Variants in CCSER1 observed in about 807,000 individuals in gnomAD.
CCSER1 encodes coiled-coil serine rich protein 1.
A neutral mutation model predicts 82.0 loss-of-function variants in CCSER1; 41 were observed. The ratio of observed to expected loss-of-function variants is 0.50; its 90% CI spans 0.39 to 0.65. CCSER1 has a LOEUF of 0.65. Among genes scored for constraint, CCSER1 ranks in the 30% least tolerant of loss-of-function variants. The pLI, the probability that CCSER1 is intolerant of heterozygous loss-of-function variation, is 0.00. For synonymous variants in CCSER1, 414 were observed against 383.9 expected (o/e 1.08, Z -0.92); for missense variants, 1,119 against 1,064.2 (o/e 1.05, Z -0.72).
intron 1 of CCSER1, among the ~76,000 whole-genome samples, chr4:90,192,345 C>A (rs1735809347): frequency 6.6e-6 from 1 of 151,960 alleles, no homozygotes; most frequent in Non-Finnish European, 1.5e-5. Flanking sequence ...CGTGGGAATT[C>A]AAGATGAGAT....
At chr4:90,940,475 C>G (rs1226843036) in intron 9 of CCSER1, among the ~76,000 whole-genome samples, 1 of 151,710 alleles carries the variant, frequency 6.6e-6, no homozygotes, top group African/African-American at 2.4e-5. Context: ...GTCCATTAGA[C>G]TCTTAAAGTG....
intron 5 of CCSER1, among the ~76,000 whole-genome samples, chr4:90,622,654 T>C (rs935009717): frequency 6.6e-6 from 1 of 152,170 alleles, no homozygotes; most frequent in Non-Finnish European, 1.5e-5. Context: ...ATTTTCTTAA[T>C]CCAGTCTATC....
At chr4:90,344,704 G>T (rs1300221664) in intron 3 of CCSER1, among the ~76,000 whole-genome samples, 1 of 152,054 alleles carries the variant, frequency 6.6e-6, no homozygotes, top group Non-Finnish European at 1.5e-5. Flanking sequence ...CTATTATTAA[G>T]TTGGGGAGCA....
chr4:90,694,770 C>T (rs751797441), intron 6 of CCSER1, among the ~76,000 whole-genome samples: 16 of 149,828 alleles, frequency 1.1e-4, no homozygotes, highest in Non-Finnish European at 2.1e-4. Flanking sequence ...ATATTTGGCA[C>T]TTTCTCAATG....
chr4:90,333,549 G>T (rs928808327), intron 3 of CCSER1, among the ~76,000 whole-genome samples: 1 of 152,202 alleles, frequency 6.6e-6, no homozygotes, highest in African/African-American at 2.4e-5. Context: ...GAAGAGACAT[G>T]CCTGGTCTTA....
rs56723869 is a variant in CCSER1, at chr4:91,565,026, TTGTGTGTGTGTGTGTGTG to T, written c.2218-33509_2218-33492del. ...ATTTAAGTCTTTAATGCACCTTGAG[TTGTGTGTGTGTGTGTGTG>T]TGTGTGTGTGTGTGTGTGTGTGTGT... On this transcript the variant is annotated intron_variant, in intron 10 of 10. Coordinates refer to ENST00000509176, the MANE Select transcript of CCSER1 (RefSeq NM_001145065.2). Among the ~76,000 whole-genome samples, 631 of 131,122 alleles carry T rather than the reference TTGTGTGTGTGTGTGTGTG, an allele frequency of 4.8e-3. 7 individuals carry two copies. Among genetic ancestry groups the T allele is most frequent in the African/African-American group, 0.014 (485 of 35,550 alleles). The allele number at this position is 131,122 out of a possible 152,430, so 86.0% of individuals were successfully genotyped here.
chr4:90,866,730 C>A (rs1765773775), intron 8 of CCSER1, among the ~76,000 whole-genome samples: 1 of 152,022 alleles, frequency 6.6e-6, no homozygotes, highest in African/African-American at 2.4e-5. Flanking sequence ...AGTTCCCAAA[C>A]TTTTTGGCAC....
intron 10 of CCSER1, among the ~76,000 whole-genome samples, chr4:91,493,280 T>G (rs7659508): frequency 0.05 from 7,592 of 151,940 alleles, 686 homozygotes; most frequent in African/African-American, 0.17. Flanking sequence ...CTTCTGAGAC[T>G]ATAACTCATC....
chr4:91,433,316 C>G (rs1031281202), intron 10 of CCSER1, among the ~76,000 whole-genome samples: 3 of 152,106 alleles, frequency 2.0e-5, no homozygotes, highest in South Asian at 2.1e-4. Flanking sequence ...CTGTGGCCAT[C>G]ATAACGTCAT....
rs2904356 is a variant in CCSER1, at chr4:90,450,169, G to A, written c.1604-18065G>A. Among the ~76,000 whole-genome samples the A allele has an allele frequency of 5.8e-3, 879 of 152,250 alleles. 11 individuals carry two copies. The highest frequency in any genetic ancestry group is 0.02 in the African/African-American group (842 of 41,548). ...CTATGTAAGGGTCCCTGGTAGAAAC[G>A]GAGCCATTATCCAAGGCTCCAGTTG... is the stretch of plus-strand genomic sequence containing the variant. On this transcript the variant is annotated intron_variant, in intron 4 of 10. Coordinates refer to ENST00000509176, the MANE Select transcript of CCSER1 (RefSeq NM_001145065.2).
intron 10 of CCSER1, among the ~76,000 whole-genome samples, chr4:91,525,620 T>C (rs894044633): frequency 1.3e-5 from 2 of 152,140 alleles, no homozygotes; most frequent in African/African-American, 4.8e-5. Flanking sequence ...TCACTTATTA[T>C]CAGCCTCCTG....
intron 5 of CCSER1, among the ~76,000 whole-genome samples, chr4:90,561,345 A>G (rs1204546104): frequency 6.6e-6 from 1 of 152,206 alleles, no homozygotes; most frequent in Admixed American, 6.5e-5. Context: ...TGGTTTATGG[A>G]TCCAGGGTGC....
At chr4:91,515,800 C>G (rs1760075381) in intron 10 of CCSER1, among the ~76,000 whole-genome samples, 1 of 151,216 alleles carries the variant, frequency 6.6e-6, no homozygotes, top group Non-Finnish European at 1.5e-5. Context: ...GCTGGTTGAA[C>G]TAATTTACTC....
chr4:90,344,551 G>A (rs1181996461), intron 3 of CCSER1, among the ~76,000 whole-genome samples: 2 of 152,120 alleles, frequency 1.3e-5, no homozygotes, highest in Non-Finnish European at 2.9e-5. Context: ...TGTGAAATCG[G>A]AAATGCATTT....
At chr4:91,095,552 C>A (rs1724422900) in intron 10 of CCSER1, among the ~76,000 whole-genome samples, 1 of 152,264 alleles carries the variant, frequency 6.6e-6, no homozygotes, top group South Asian at 2.1e-4. Flanking sequence ...CAAAAACAGC[C>A]TGTTTTTGCG....
At chr4:90,591,137 T>G (rs1370916281) in intron 5 of CCSER1, among the ~76,000 whole-genome samples, 1 of 152,176 alleles carries the variant, frequency 6.6e-6, no homozygotes, top group African/African-American at 2.4e-5. Flanking sequence ...GTGATTTTTG[T>G]ACATTGCTGT....
intron 7 of CCSER1, among the ~76,000 whole-genome samples, chr4:90,748,146 A>C (rs2149470273): frequency 7.1e-6 from 1 of 140,440 alleles, no homozygotes; most frequent in African/African-American, 2.6e-5. Flanking sequence ...CTAACTCGTC[A>C]TCTAGCATTA....
At chr4:91,517,975 AT>A (rs1175513724) in intron 10 of CCSER1, among the ~76,000 whole-genome samples, 1 of 152,138 alleles carries the variant, frequency 6.6e-6, no homozygotes, top group Non-Finnish European at 1.5e-5. Context: ...CTTAAGCATA[AT>A]GATCAGTAGG....
At chr4:90,656,107 G>A (rs1729652687) in intron 6 of CCSER1, among the ~76,000 whole-genome samples, 1 of 151,766 alleles carries the variant, frequency 6.6e-6, no homozygotes, top group Non-Finnish European at 1.5e-5. Flanking sequence ...TTGTTTGACA[G>A]GTTGACATTA....
Sources: allele counts gnomAD v4.1 joint callset (sites outside exome capture counted in the v4.1 genomes callset), GRCh38; gene constraint gnomAD v4.1.1; transcripts MANE v1.5; gene names NCBI Gene and HGNC (gene_info 2026-07-23, HGNC 2026-07-21).